The following COLGALT2 variants were observed in gnomAD, a reference collection of about 807,000 sequenced individuals.
The protein encoded by COLGALT2 is collagen beta(1-O)galactosyltransferase 2, also known as procollagen galactosyltransferase 2.
In COLGALT2, 49 loss-of-function variants were observed where a neutral mutation model predicts 73.4. The ratio of observed to expected loss-of-function variants is 0.67; its 90% CI spans 0.53 to 0.85. COLGALT2 has a LOEUF of 0.85. COLGALT2 is among the 40% of genes least tolerant of loss of function. The pLI is 0.00. For synonymous variants in COLGALT2, 295 were observed against 307.6 expected (o/e 0.96, Z 0.43); for missense variants, 722 against 790.2 (o/e 0.91, Z 1.03).
intron 1 of COLGALT2, among the ~76,000 whole-genome samples, chr1:184,032,995 A>C (rs1246401269): frequency 6.6e-6 from 1 of 152,228 alleles, no homozygotes; most frequent in East Asian, 1.9e-4. Context: ...TTTATTTAAA[A>C]ATCCATAAAG....
intron 2 of COLGALT2, among the ~76,000 whole-genome samples, chr1:183,977,470 C>A (rs80040576): frequency 8.4e-4 from 106 of 126,634 alleles, no homozygotes; most frequent in Admixed American, 1.1e-3. Context: ...GACTCTGTCT[C>A]AAAAAAAAAA....
At chr1:183,935,638 A>G (rs1033585801), downstream of COLGALT2, among the ~76,000 whole-genome samples, 1 of 152,152 alleles carries the variant, frequency 6.6e-6, no homozygotes, top group Non-Finnish European at 1.5e-5. Context: ...TTCAGCTTAC[A>G]TAACAGTACC....
rs563559259 is a variant in COLGALT2 at position 183,992,215 on chromosome 1, A to G, written c.264-13695T>C. 7.2e-5 allele frequency among the ~76,000 whole-genome samples: 11 copies of G among 152,350 alleles called. No homozygotes were observed. The South Asian group carries it at 2.1e-3, about 29-fold the overall frequency. Reference sequence around the variant, plus strand: ...TCCAGAGAGGTGACACATCATGTCCAAAGTCTCAGAGGTAGTAAGAATTAG... The same window carrying G: ...TCCAGAGAGGTGACACATCATGTCCGAAGTCTCAGAGGTAGTAAGAATTAG... On this transcript the variant is annotated intron_variant, in intron 1 of 11. Coordinates refer to ENST00000361927, the MANE Select transcript of COLGALT2 (RefSeq NM_015101.4).
At position 184,037,350 on chromosome 1, in the gene COLGALT2, G is replaced by C; in HGVS notation, c.8C>G (p.Ala3Gly). MA[A>G]RPAATLAWSL... ...CCAGGCGAGGGTGGCAGCAGGGCGCGCAGCCATGTTCCGGGCCGAGGCGGG... is the reference window on the plus strand; with the variant it reads ...CCAGGCGAGGGTGGCAGCAGGGCGCCCAGCCATGTTCCGGGCCGAGGCGGG... Residue 3 changes from alanine (A) to glycine (G), a missense_variant, in exon 1 of 12, where the codon GCG (alanine) becomes GGG (glycine). By Grantham distance (60) the Ala-to-Gly change is moderately conservative. Transcript: ENST00000361927. 1 of 1,481,822 alleles carries C rather than the reference G, an allele frequency of 6.7e-7. No individual in the cohort carries two copies. Among genetic ancestry groups the C allele is most frequent in the Admixed American group, 2.2e-5 (1 of 44,732 alleles). 91.8% of individuals were successfully genotyped at this position (1,481,822 alleles called of 1,614,324 possible). A position where few individuals can be genotyped will look rare whatever the true frequency, so the allele number is the denominator to read the frequency against.
At chr1:184,005,841 A>C (rs1302410110) in intron 1 of COLGALT2, among the ~76,000 whole-genome samples, 1 of 152,184 alleles carries the variant, frequency 6.6e-6, no homozygotes, top group Non-Finnish European at 1.5e-5. Context: ...CACAAGACAG[A>C]AAGTGCAAGT....
intron 8 of COLGALT2, 101 bp downstream of exon 8, chr1:183,950,906 G>T (rs1260538026): frequency 4.9e-6 from 4 of 812,508 alleles, no homozygotes; most frequent in Non-Finnish European, 6.2e-6. Context: ...ATCCTCTAAT[G>T]ACCGAAGAGA....
chr1:183,942,195 G>A (rs1007629815), intron 10 of COLGALT2, among the ~76,000 whole-genome samples: 2 of 151,968 alleles, frequency 1.3e-5, no homozygotes, highest in African/African-American at 2.4e-5. Flanking sequence ...TGATCCACCC[G>A]CCTCGGCCTC....
intron 6 of COLGALT2, among the ~76,000 whole-genome samples, chr1:183,961,031 A>T (rs1572639972): frequency 6.6e-6 from 1 of 152,328 alleles, no homozygotes; most frequent in East Asian, 1.9e-4. Context: ...GTCATTACCA[A>T]CTTTTTATCA....
chr1:184,031,198 C>T (rs1649500187), intron 1 of COLGALT2, among the ~76,000 whole-genome samples: 1 of 152,150 alleles, frequency 6.6e-6, no homozygotes, highest in Non-Finnish European at 1.5e-5. Flanking sequence ...AAAATGGAAT[C>T]TCTATTTTAC....
downstream of COLGALT2, among the ~76,000 whole-genome samples, chr1:183,931,534 TC>T (rs1669843680): frequency 6.6e-6 from 1 of 152,022 alleles, no homozygotes; most frequent in Non-Finnish European, 1.5e-5. Context: ...CGGGAGAAAC[TC>T]CTAGGAGAGG....
chr1:183,968,461 C>T (rs969640773), intron 5 of COLGALT2, among the ~76,000 whole-genome samples: 1 of 152,206 alleles, frequency 6.6e-6, no homozygotes, highest in Non-Finnish European at 1.5e-5. Context: ...ACCTCAGTCT[C>T]GCTTTGCCTC....
chr1:183,991,408 C>G (rs962272117), intron 1 of COLGALT2, among the ~76,000 whole-genome samples: 3 of 152,112 alleles, frequency 2.0e-5, no homozygotes, highest in African/African-American at 7.2e-5. Context: ...ATTGAGAAAG[C>G]TGGACTAGAA....
At chr1:184,034,023 G>A (rs779531145) in intron 1 of COLGALT2, among the ~76,000 whole-genome samples, 63 of 152,316 alleles carry the variant, frequency 4.1e-4, no homozygotes, top group Non-Finnish European at 8.1e-4. Context: ...CATAGAGCTT[G>A]GGAATGAGAA....
At chr1:183,941,578 C>T (rs1282932992) in intron 10 of COLGALT2, among the ~76,000 whole-genome samples, 1 of 152,234 alleles carries the variant, frequency 6.6e-6, no homozygotes, top group African/African-American at 2.4e-5. Flanking sequence ...GGAGTTGCCT[C>T]CTTCTTGCCT....
At chr1:184,003,894 C>G (rs6669645) in intron 1 of COLGALT2, among the ~76,000 whole-genome samples, 49,446 of 152,014 alleles carry the variant, frequency 0.33, 11,124 homozygotes, top group African/African-American at 0.64. Context: ...CCCCACTGAG[C>G]ACATGTGAAA....
chr1:183,983,801 A>C (rs944469107), intron 1 of COLGALT2, among the ~76,000 whole-genome samples: 1 of 152,144 alleles, frequency 6.6e-6, no homozygotes, highest in Non-Finnish European at 1.5e-5. Flanking sequence ...CGAATCTGTT[A>C]CCCTCCTCCC....
chr1:183,974,438 CATCT>C lies in COLGALT2; in HGVS notation c.492+655_492+658del, dbSNP rs1470306528. Among the ~76,000 whole-genome samples the C allele has an allele frequency of 7.2e-5, 11 of 152,184 alleles. No individual in the cohort carries two copies. The East Asian group carries it at 1.9e-3, about 27-fold the overall frequency. ...AGAAGTCTTCATTTTTATGATAGTC[CATCT>C]GTTTACCCCAAATTTTGTGATTTAA... On this transcript the variant is annotated intron_variant, in intron 3 of 11. Transcript: ENST00000361927.
intron 1 of COLGALT2, among the ~76,000 whole-genome samples, chr1:184,006,156 C>G (rs1002200253): frequency 6.6e-6 from 1 of 152,160 alleles, no homozygotes; most frequent in African/African-American, 2.4e-5. Context: ...TGAAAACATT[C>G]TTTCATTCCA....
At chr1:183,975,738 A>G (rs1232262926) in intron 2 of COLGALT2, among the ~76,000 whole-genome samples, 1 of 152,244 alleles carries the variant, frequency 6.6e-6, no homozygotes, top group African/African-American at 2.4e-5. Context: ...TATCTTAGGT[A>G]AAGTGAGGTC....
Sources: gnomAD v4.1 joint callset for allele counts (sites outside exome capture counted in the v4.1 genomes callset) on GRCh38, gnomAD v4.1.1 for gene constraint, MANE v1.5 for transcripts, NCBI Gene and HGNC (gene_info 2026-07-23, HGNC 2026-07-21) for gene names.